The following PKIB variants were observed in gnomAD, a reference collection of about 807,000 sequenced individuals.
PKIB encodes the protein cAMP-dependent protein kinase inhibitor beta, also known as PKI-beta.
PKIB carries 2 observed loss-of-function variants against 4.5 expected under a neutral mutation model. The ratio of observed to expected loss-of-function variants is 0.44; its 90% CI spans 0.18 to 1.39. The LOEUF (loss-of-function observed/expected upper bound fraction) is 1.39. PKIB is among the 40% of genes most tolerant of loss of function. The pLI is 0.27. For missense variants in PKIB, 94 were observed against 92.6 expected (o/e 1.02, Z -0.06); for synonymous variants, 38 against 36.0 (o/e 1.06, Z -0.20).
At chr6:122,636,842 T>C (rs1301036096) in intron 2 of PKIB, among the ~76,000 whole-genome samples, 1 of 152,264 alleles carries the variant, frequency 6.6e-6, no homozygotes, top group Admixed American at 6.5e-5. Context: ...AATTGTGTGG[T>C]ACTATTTACT....
chr6:122,715,100 T>TA (rs891597789), intron 3 of PKIB, among the ~76,000 whole-genome samples: 13 of 150,998 alleles, frequency 8.6e-5, no homozygotes, highest in East Asian at 1.9e-4. Flanking sequence ...AAAAAATATT[T>TA]AAAAAAAAAG....
intron 2 of PKIB, among the ~76,000 whole-genome samples, chr6:122,650,193 A>G (rs1261843264): frequency 1.3e-5 from 2 of 152,142 alleles, no homozygotes; most frequent in Non-Finnish European, 2.9e-5. Flanking sequence ...AACATGCCCC[A>G]TACTACTAGA....
At chr6:122,659,865 A>G (rs1033446078) in intron 2 of PKIB, among the ~76,000 whole-genome samples, 25 of 152,278 alleles carry the variant, frequency 1.6e-4, no homozygotes, top group African/African-American at 6.0e-4. Context: ...GAACACAATT[A>G]AAAGAAAAAA....
chr6:122,490,499 T>A lies in PKIB; in HGVS notation c.-248+12560T>A, dbSNP rs182191747. ...GAGGTGATTGGATCATGGAGAAAGG[T>A]CCCTCATGAGTGGTTTAGCACCATC... On this transcript the variant is annotated intron_variant, in intron 2 of 6. Coordinates refer to the PKIB transcript ENST00000392491. Among the ~76,000 whole-genome samples the A allele has an allele frequency of 1.6e-3, 249 of 151,962 alleles. 1 individual carries two copies. Among genetic ancestry groups the A allele is most frequent in the Non-Finnish European group, 2.8e-3 (191 of 67,930 alleles).
At chr6:122,537,315 C>G (rs193073457) in intron 2 of PKIB, among the ~76,000 whole-genome samples, 1 of 152,214 alleles carries the variant, frequency 6.6e-6, no homozygotes, top group Admixed American at 6.5e-5. Context: ...TATCCCTCCC[C>G]CTCCCTGCAC....
At chr6:122,490,147 C>T (rs897747494) in intron 2 of PKIB, among the ~76,000 whole-genome samples, 1 of 152,126 alleles carries the variant, frequency 6.6e-6, no homozygotes, top group African/African-American at 2.4e-5. Context: ...TTTATAGAGT[C>T]ATTCAAATTG....
At chr6:122,561,996 T>TTG (rs1294453185) in intron 2 of PKIB, among the ~76,000 whole-genome samples, 7 of 133,442 alleles carry the variant, frequency 5.2e-5, no homozygotes, top group African/African-American at 2.2e-4. Context: ...TTGTTTTTGT[T>TTG]TTTTTTTGTT....
chr6:122,681,811 C>G (rs1448267216), intron 3 of PKIB, among the ~76,000 whole-genome samples: 1 of 152,160 alleles, frequency 6.6e-6, no homozygotes, highest in Non-Finnish European at 1.5e-5. Context: ...TTTAATTGTT[C>G]CCTCAAGAAT....
At chr6:122,594,981 G>A (rs1427476366) in intron 3 of PKIB, among the ~76,000 whole-genome samples, 1 of 152,178 alleles carries the variant, frequency 6.6e-6, no homozygotes, top group African/African-American at 2.4e-5. Context: ...AAGTGTCCAG[G>A]TGGCAATCTT....
intron 2 of PKIB, among the ~76,000 whole-genome samples, chr6:122,573,411 A>G (rs1261450804): frequency 6.6e-6 from 1 of 151,362 alleles, no homozygotes; most frequent in African/African-American, 2.4e-5. Context: ...TCTCCCAGGT[A>G]CTCGCGAGGC....
chr6:122,497,320 A>C (rs1776101875), intron 2 of PKIB, among the ~76,000 whole-genome samples: 1 of 152,232 alleles, frequency 6.6e-6, no homozygotes, highest in South Asian at 2.1e-4. Context: ...ACACAATAGC[A>C]ACTACAAAGC....
intron 2 of PKIB, among the ~76,000 whole-genome samples, chr6:122,533,349 T>C (rs1213688858): frequency 1.3e-5 from 2 of 151,914 alleles, no homozygotes; most frequent in African/African-American, 4.8e-5. Context: ...TGTGTATTTT[T>C]TGTAGAAATG....
intron 2 of PKIB, among the ~76,000 whole-genome samples, chr6:122,489,148 C>G (rs541090791): frequency 4.0e-5 from 6 of 151,652 alleles, no homozygotes; most frequent in African/African-American, 1.5e-4. Context: ...CCTCAAAGGA[C>G]AGGAAGTAAA....
At chr6:122,687,833 C>T (rs1778153505) in intron 3 of PKIB, among the ~76,000 whole-genome samples, 1 of 152,058 alleles carries the variant, frequency 6.6e-6, no homozygotes, top group African/African-American at 2.4e-5. Context: ...CTGAGTTTAT[C>T]AGTTCTAATA....
chr6:122,641,294 T>C (rs143466173), intron 2 of PKIB, among the ~76,000 whole-genome samples: 5 of 152,358 alleles, frequency 3.3e-5, no homozygotes, highest in African/African-American at 9.6e-5. Flanking sequence ...GTATTTCACT[T>C]GGTAAATGAA....
intron 2 of PKIB, among the ~76,000 whole-genome samples, chr6:122,499,839 G>A (rs1247263269): frequency 6.6e-6 from 1 of 152,084 alleles, no homozygotes; most frequent in Non-Finnish European, 1.5e-5. Context: ...AAGCCTCCTA[G>A]AACTGAAAAG....
chr6:122,710,577 T>C (rs1489595884), intron 3 of PKIB, among the ~76,000 whole-genome samples: 1 of 152,184 alleles, frequency 6.6e-6, no homozygotes, highest in East Asian at 1.9e-4. Flanking sequence ...ATTTGCTTAC[T>C]TATTTTCTGG....
intron 3 of PKIB, among the ~76,000 whole-genome samples, chr6:122,680,660 T>C (rs1777863056): frequency 6.6e-6 from 1 of 152,126 alleles, no homozygotes; most frequent in African/African-American, 2.4e-5. Context: ...AGAAAAACTT[T>C]TGCTTCTGAG....
chr6:122,697,775 A>G (rs943041391), intron 3 of PKIB, among the ~76,000 whole-genome samples: 2 of 152,202 alleles, frequency 1.3e-5, no homozygotes, highest in African/African-American at 4.8e-5. Context: ...GCTTTCTTCA[A>G]GATTCCATTG....
Sources: allele counts gnomAD v4.1 joint callset (sites outside exome capture counted in the v4.1 genomes callset), GRCh38; gene constraint gnomAD v4.1.1; transcripts MANE v1.5; gene names NCBI Gene and HGNC (gene_info 2026-07-23, HGNC 2026-07-21).